ANO2: variants seen among roughly 807,000 people sequenced by gnomAD.
The protein encoded by ANO2 is anoctamin-2.
ANO2 carries 101 observed loss-of-function variants against 124.2 expected under a neutral mutation model. The observed-to-expected ratio is 0.81, with a 90% CI of 0.69 to 0.96. The LOEUF (loss-of-function observed/expected upper bound fraction) is 0.96, where lower values mean the gene tolerates loss of function less well. Ranked by LOEUF, ANO2 falls within the 40% of genes least tolerant of loss-of-function variation. The probability of loss-of-function intolerance (pLI) is 0.00; values close to 1 mark genes in which losing one functional copy is unlikely to be tolerated. For missense variants in ANO2, 1,293 were observed against 1,274.5 expected, an observed-to-expected ratio of 1.01 and a Z score of -0.22; for synonymous variants, 486 against 482.5, an observed-to-expected ratio of 1.01 and a Z score of -0.09.
In ANO2 at chr12:5,922,651, G is replaced by T. The variant is rs746994965; in HGVS notation, c.176C>A (p.Pro59His). 1.9e-6 allele frequency: 3 copies of T among 1,552,412 alleles called. No homozygotes were observed. The highest frequency in any genetic ancestry group is 2.6e-6 in the Non-Finnish European group (3 of 1,151,654). ...QGGSNRDPGQ[P>H]CGGESTRSSS... ...GCTGCGGGTGCTCTCTCCACCGCAG[G>T]GCTGGCCAGGATCTCTGTTGGAACC... The change falls in exon 2 of 25, where the codon CCC becomes CAC. Residue 59 changes from proline to histidine, a missense_variant. Transcript: ENST00000682330.
chr12:5,741,897 G>T (rs11063843), intron 12 of ANO2, among the ~76,000 whole-genome samples: 17,465 of 152,172 alleles, frequency 0.11, 1,082 homozygotes, highest in Admixed American at 0.17. Context: ...ACCTGCCATG[G>T]GATCCCTAGC....
chr12:5,756,833 G>A (rs140882566), intron 10 of ANO2, among the ~76,000 whole-genome samples: 213 of 152,364 alleles, frequency 1.4e-3, no homozygotes, highest in African/African-American at 4.8e-3. Flanking sequence ...CAGATGAGCA[G>A]GGCTGCCCCT....
intron 14 of ANO2, among the ~76,000 whole-genome samples, chr12:5,675,060 C>T (rs1948174861): frequency 6.6e-6 from 1 of 152,072 alleles, no homozygotes; most frequent in African/African-American, 2.4e-5. Context: ...TTCCCCAAAC[C>T]TACAACAGTT....
At position 5,658,071 on chromosome 12, in the gene ANO2, C is replaced by T. The variant is rs1947248885; in HGVS notation, c.1546-10270G>A. Among the ~76,000 whole-genome samples the T allele has an allele frequency of 7.5e-6, 1 of 134,202 alleles. No homozygotes were observed. Among genetic ancestry groups the T allele is most frequent in the South Asian group, 2.9e-4 (1 of 3,426 alleles). 88.0% of individuals were successfully genotyped at this position (134,202 alleles called of 152,430 possible). On this transcript the variant is annotated intron_variant, in intron 14 of 24. Transcript: ENST00000682330. This position sits in a 1 kb window ranked among gnomAD's most constrained non-coding sequence, Gnocchi z 4.3. ...GCTCATTTGTCTTTCTCTCCCTCTCCTCATCCCCCTTTTCTTCTTCCTTGC... is the reference window on the plus strand; with the variant it reads ...GCTCATTTGTCTTTCTCTCCCTCTCTTCATCCCCCTTTTCTTCTTCCTTGC...
intron 10 of ANO2, among the ~76,000 whole-genome samples, chr12:5,775,325 T>G (rs796832517): frequency 1.1e-4 from 17 of 152,180 alleles, no homozygotes; most frequent in African/African-American, 4.1e-4. Context: ...AAGAACAATC[T>G]CCATTGTCTC....
At chr12:5,593,281 TA>T (rs1943499965) in intron 20 of ANO2, among the ~76,000 whole-genome samples, 1 of 152,148 alleles carries the variant, frequency 6.6e-6, no homozygotes, top group Non-Finnish European at 1.5e-5. Flanking sequence ...GGGAAGGCTG[TA>T]AGGGAGATAA....
At chr12:5,848,364 C>G (rs12306881) in intron 4 of ANO2, among the ~76,000 whole-genome samples, 6 of 146,448 alleles carry the variant, frequency 4.1e-5, no homozygotes, top group South Asian at 2.1e-4. Flanking sequence ...TACTTCCCCC[C>G]CTCCCCAGTT....
At chr12:5,832,352 G>A (rs1954178249) in intron 5 of ANO2, 100 bp downstream of exon 5, 1 of 1,409,922 alleles carries the variant, frequency 7.1e-7, no homozygotes, top group African/African-American at 1.4e-5. Context: ...CAGGCACTGG[G>A]GCACCCACTT....
chr12:5,705,896 T>A (rs1273621281), intron 14 of ANO2, among the ~76,000 whole-genome samples: 1 of 152,298 alleles, frequency 6.6e-6, no homozygotes, highest in Non-Finnish European at 1.5e-5. Context: ...CGTGGTTCTT[T>A]CCAAAAGCCA....
rs1403671185 is a variant in ANO2 at position 5,578,496 on chromosome 12, G to A, written c.2256C>T (p.Thr752=). The change falls in exon 21 of 25, where the codon ACC becomes ACT. Residue 752 remains threonine, a synonymous_variant. Transcript: ENST00000682330. ...MEMIIQFGFV[T]LFVASFPLAP... The stretch of plus-strand genomic sequence containing the variant: ...CCAGGGGAAAGGAGGCCACGAAGAG[G>A]GTGACAAAACCAAACTGGATGACTG... The A allele has an allele frequency of 1.2e-6, 2 of 1,613,592 alleles. No individual in the cohort carries two copies. The highest frequency in any genetic ancestry group is 1.7e-6 in the Non-Finnish European group (2 of 1,179,800).
intron 10 of ANO2, among the ~76,000 whole-genome samples, chr12:5,756,359 G>A (rs1951580031): frequency 6.6e-6 from 1 of 151,974 alleles, no homozygotes; most frequent in East Asian, 1.9e-4. Flanking sequence ...AATTTATTTA[G>A]GGTAAGTTAC....
At chr12:5,661,289 G>T (rs1055574734) in intron 14 of ANO2, among the ~76,000 whole-genome samples, 2 of 152,130 alleles carry the variant, frequency 1.3e-5, no homozygotes, top group Non-Finnish European at 2.9e-5. Context: ...TTATGTTCTA[G>T]CCCACAGACT....
At chr12:5,943,425 A>G (rs1019086519) in intron 1 of ANO2, among the ~76,000 whole-genome samples, 1 of 152,146 alleles carries the variant, frequency 6.6e-6, no homozygotes, top group Non-Finnish European at 1.5e-5. Context: ...ACTAAATATC[A>G]TATGTTCTCA....
At chr12:5,710,092 G>C (rs537806441) in intron 14 of ANO2, among the ~76,000 whole-genome samples, 1 of 152,330 alleles carries the variant, frequency 6.6e-6, no homozygotes, top group African/African-American at 2.4e-5. Context: ...ACTTAAAAGT[G>C]AGATTAGTGT....
chr12:5,591,591 G>T (rs767925732), intron 20 of ANO2, among the ~76,000 whole-genome samples: 15 of 152,292 alleles, frequency 9.8e-5, no homozygotes, highest in Middle Eastern at 3.4e-3. Flanking sequence ...GAGAGGTAGA[G>T]GATTGAGAGA....
intron 20 of ANO2, among the ~76,000 whole-genome samples, chr12:5,598,469 C>T (rs1403303378): frequency 6.6e-6 from 1 of 152,166 alleles, no homozygotes; most frequent in African/African-American, 2.4e-5. Flanking sequence ...AATTCTCGTG[C>T]CTCAGCCTCC....
chr12:5,682,756 G>A (rs570818814), intron 14 of ANO2, among the ~76,000 whole-genome samples: 2 of 152,302 alleles, frequency 1.3e-5, no homozygotes, highest in East Asian at 1.9e-4. Context: ...CATGTCTACC[G>A]CCATGCCAAC....
At position 5,830,467 on chromosome 12, in the gene ANO2, T is replaced by C; in HGVS notation, c.808A>G (p.Thr270Ala). ...CTGCGGGTGGCATTATCAAAGAAGG[T>C]GTCCTTTTCCTGGATGTTGTACCTG... ...MYLYNIQEKDTFFDNATRSRI... is the reference protein window; with the variant it reads ...MYLYNIQEKDAFFDNATRSRI... The change falls in exon 6 of 25, where the codon ACC becomes GCC. Residue 270 changes from threonine (T) to alanine (A), a missense_variant. Thr to Ala is a moderately conservative substitution (Grantham distance 58, BLOSUM62 0). Coordinates refer to ENST00000682330, the MANE Select transcript of ANO2 (RefSeq NM_001364791.2). 1 of 1,612,796 alleles carries C rather than the reference T, an allele frequency of 6.2e-7. No individual in the cohort carries two copies. The highest frequency in any genetic ancestry group is 8.5e-7 in the Non-Finnish European group (1 of 1,179,498).
Position 5,832,436 on chromosome 12 carries a change from C to G in ANO2, c.785+16G>C. 1.9e-6 allele frequency: 3 copies of G among 1,613,694 alleles called. No individual in the cohort carries two copies. The highest frequency in any genetic ancestry group is 2.5e-6 in the Non-Finnish European group (3 of 1,179,704). Reference sequence around the variant, plus strand: ...ATCCCTTCCCACATCTCTGCTCCAGCAGCTTCAATACTCACAGGTACATCT... The same window carrying G: ...ATCCCTTCCCACATCTCTGCTCCAGGAGCTTCAATACTCACAGGTACATCT... On this transcript the variant is annotated intron_variant, in intron 5 of 24. Coordinates refer to ENST00000682330, the MANE Select transcript of ANO2 (RefSeq NM_001364791.2).
Sources: gnomAD v4.1 joint callset for allele counts (sites outside exome capture counted in the v4.1 genomes callset) on GRCh38, gnomAD v4.1.1 for gene constraint, Gnocchi (gnomAD v3.1) non-coding constraint, MANE v1.5 for transcripts, NCBI Gene and HGNC (gene_info 2026-07-23, HGNC 2026-07-21) for gene names.